Variants in MEMO1 observed in about 807,000 individuals in gnomAD.
MEMO1 encodes protein MEMO1.
A neutral mutation model predicts 45.2 loss-of-function variants in MEMO1; 6 were observed. That is an observed-to-expected ratio of 0.13 (90% CI 0.07 to 0.26). The LOEUF is 0.26. Among genes scored for constraint, MEMO1 ranks in the 10% least tolerant of loss-of-function variants. The pLI is 1.00. For missense variants in MEMO1, 184 were observed against 370.5 expected, an observed-to-expected ratio of 0.50 and a Z score of 4.13; for synonymous variants, 78 against 124.3, an observed-to-expected ratio of 0.63 and a Z score of 2.48.
rs537586403 is a variant in MEMO1 at position 31,928,437 on chromosome 2, C to T, written c.212+3630G>A. Among the ~76,000 whole-genome samples the T allele has an allele frequency of 4.6e-5, 7 of 151,684 alleles. No homozygotes were observed. In the East Asian group the frequency reaches 5.8e-4, roughly 13 times the overall value. Reference sequence around the variant, plus strand: ...TGGCATACGCTTGTAATCCCAGCTACTTGGGAGGCTGAGGCAGGAGAATCA... The same window carrying T: ...TGGCATACGCTTGTAATCCCAGCTATTTGGGAGGCTGAGGCAGGAGAATCA... On this transcript the variant is annotated intron_variant, in intron 4 of 9. Transcript: ENST00000404530.
At chr2:32,002,292 CATATACATATACAT>C (rs1400217427) in intron 2 of MEMO1, among the ~76,000 whole-genome samples, 3 of 140,994 alleles carry the variant, frequency 2.1e-5, no homozygotes, top group Non-Finnish European at 4.5e-5. Context: ...TACATATATA[CATATACATATACAT>C]ATATACATAC....
intron 2 of MEMO1, among the ~76,000 whole-genome samples, chr2:31,943,816 T>C (rs1014602029): frequency 6.6e-6 from 1 of 152,182 alleles, no homozygotes; most frequent in African/African-American, 2.4e-5. Context: ...CAATGATCTT[T>C]TCTTCCATCC....
chr2:31,983,427 T>C (rs1217466939), intron 2 of MEMO1, among the ~76,000 whole-genome samples: 1 of 152,082 alleles, frequency 6.6e-6, no homozygotes, highest in Non-Finnish European at 1.5e-5. Flanking sequence ...GCCCAAATCT[T>C]AGTTTTTTGT....
intron 2 of MEMO1, among the ~76,000 whole-genome samples, chr2:31,955,165 A>C (rs1043821475): frequency 6.6e-6 from 1 of 151,914 alleles, no homozygotes; most frequent in Admixed American, 6.6e-5. Flanking sequence ...TGAGTCCAGG[A>C]GGTCAAATCT....
chr2:31,917,475 C>T (rs980171183), intron 6 of MEMO1, among the ~76,000 whole-genome samples: 3 of 152,210 alleles, frequency 2.0e-5, no homozygotes, highest in African/African-American at 4.8e-5. Context: ...GCAGGTACCA[C>T]GTAACAGTCT....
chr2:31,885,433 C>G (rs919408389), intron 7 of MEMO1, among the ~76,000 whole-genome samples: 2 of 152,168 alleles, frequency 1.3e-5, no homozygotes, highest in East Asian at 3.9e-4. Flanking sequence ...CACTATTTTT[C>G]TCATTGCCAG....
chr2:31,916,180 T>C (rs1681409198), intron 6 of MEMO1, among the ~76,000 whole-genome samples: 1 of 152,306 alleles, frequency 6.6e-6, no homozygotes, highest in East Asian at 1.9e-4. Context: ...TATTTTGTTA[T>C]AACCTCCTTG....
intron 6 of MEMO1, among the ~76,000 whole-genome samples, chr2:31,908,187 T>C (rs555827793): frequency 3.5e-4 from 54 of 152,304 alleles, no homozygotes; most frequent in African/African-American, 1.2e-3. Context: ...TACCTTTTTT[T>C]CCTAAACATT....
intron 2 of MEMO1, among the ~76,000 whole-genome samples, chr2:31,977,571 T>C (rs1670149844): frequency 6.6e-6 from 1 of 152,180 alleles, no homozygotes; most frequent in Non-Finnish European, 1.5e-5. Context: ...TGGAGTACAG[T>C]GGCACGATCT....
At chr2:31,921,541 C>G (rs1356355030) in intron 4 of MEMO1, among the ~76,000 whole-genome samples, 1 of 152,114 alleles carries the variant, frequency 6.6e-6, no homozygotes, top group Non-Finnish European at 1.5e-5. Flanking sequence ...GACAAGGATG[C>G]AACAGGTATT....
chr2:31,984,181 G>C (rs1403520564), intron 2 of MEMO1, among the ~76,000 whole-genome samples: 1 of 152,146 alleles, frequency 6.6e-6, no homozygotes, highest in Non-Finnish European at 1.5e-5. Flanking sequence ...CTTTACAACA[G>C]ACAAACCTGG....
intron 8 of MEMO1, among the ~76,000 whole-genome samples, chr2:31,873,516 A>T (rs1415070166): frequency 1.3e-5 from 2 of 152,158 alleles, no homozygotes; most frequent in Non-Finnish European, 2.9e-5. Flanking sequence ...GACCCTGATA[A>T]GACAACAAAT....
intron 2 of MEMO1, among the ~76,000 whole-genome samples, chr2:31,986,298 C>T (rs1384328469): frequency 6.6e-6 from 1 of 151,788 alleles, no homozygotes; most frequent in Admixed American, 6.6e-5. Context: ...AGTCGGGAGG[C>T]TGAGACAGAA....
intron 2 of MEMO1, among the ~76,000 whole-genome samples, chr2:31,952,921 C>T (rs1207348951): frequency 6.6e-6 from 1 of 152,106 alleles, no homozygotes; most frequent in African/African-American, 2.4e-5. Flanking sequence ...ATAAACTCTT[C>T]AAAGACACTG....
At position 31,923,773 on chromosome 2, in the gene MEMO1, T is replaced by C. The variant is rs1362431399; in HGVS notation, c.213-2863A>G. The C allele has an allele frequency of 1.1e-5, 16 of 1,512,392 alleles. No homozygotes were observed. In the East Asian group the frequency reaches 3.0e-4, roughly 29 times the overall value. The allele number at this position is 1,512,392 out of a possible 1,614,324, so 93.7% of individuals were successfully genotyped here. A position where few individuals can be genotyped will look rare whatever the true frequency, so the allele number is the denominator to read the frequency against. On this transcript the variant is annotated intron_variant, in intron 4 of 9. Coordinates refer to ENST00000404530, the MANE Select transcript of MEMO1 (RefSeq NM_001301833.4). ...TCAAAATATGAAGTGATTTTTAAAATAACAATCTAAATTCAAGGCATACAT... is the reference window on the plus strand; with the variant it reads ...TCAAAATATGAAGTGATTTTTAAAACAACAATCTAAATTCAAGGCATACAT...
chr2:31,950,381 AAAAAAAAAAC>A (rs1666704779), intron 2 of MEMO1, among the ~76,000 whole-genome samples: 2 of 151,410 alleles, frequency 1.3e-5, no homozygotes, highest in South Asian at 2.1e-4. Context: ...ACTCCGTCAA[AAAAAAAAAAC>A]AAAAAAAAAC....
At chr2:31,919,519 C>G (rs1681955647) in intron 5 of MEMO1, among the ~76,000 whole-genome samples, 1 of 152,030 alleles carries the variant, frequency 6.6e-6, no homozygotes, top group Non-Finnish European at 1.5e-5. Flanking sequence ...CCCTAACATA[C>G]TTAAAAATAT....
At chr2:31,898,518 G>T (rs1162686908) in intron 6 of MEMO1, among the ~76,000 whole-genome samples, 1 of 152,158 alleles carries the variant, frequency 6.6e-6, no homozygotes, top group Non-Finnish European at 1.5e-5. Context: ...CCATGTAGTT[G>T]TGCGGTTTTG....
chr2:31,892,087 C>T lies in MEMO1; in HGVS notation c.485G>A (p.Ser162Asn), dbSNP rs2147990950. 1.9e-6 allele frequency: 3 copies of T among 1,612,748 alleles called. No individual in the cohort carries two copies. The highest frequency in any genetic ancestry group is 2.5e-6 in the Non-Finnish European group (3 of 1,179,220). ...TIIPVLVGAL[S>N]ESKEQEFGKL... ...TCCGAATTCCTGTTCTTTTGACTCA[C>T]TCAGAGCTCCAACCAGTACAGGAAT... The change falls in exon 7 of 10, where the codon AGT becomes AAT. Residue 162 changes from serine to asparagine, a missense_variant. By Grantham distance (46) the Ser-to-Asn change is conservative. Around this residue, in one of 3 missense-constraint regions of MEMO1, gnomAD observed 97 missense variants for 209.3 expected, o/e 0.46. Transcript: ENST00000404530.
Sources: gnomAD v4.1 joint callset for allele counts (sites outside exome capture counted in the v4.1 genomes callset) on GRCh38, gnomAD v4.1.1 for gene constraint, gnomAD v4.1.1 regional missense constraint, MANE v1.5 for transcripts, NCBI Gene and HGNC (gene_info 2026-07-23, HGNC 2026-07-21) for gene names.